Variants in ACYP2 observed in about 807,000 individuals in gnomAD.
ACYP2 encodes the protein acylphosphatase 2.
ACYP2 carries 12 observed loss-of-function variants against 11.2 expected under a neutral mutation model. The observed-to-expected ratio is 1.08, with a 90% CI of 0.69 to 1.74. ACYP2 has a LOEUF of 1.74. Among genes scored for constraint, ACYP2 ranks in the 40% most tolerant of loss-of-function variants. ACYP2 has a pLI of 0.00. For missense variants in ACYP2, 134 were observed against 101.9 expected (o/e 1.31, Z -1.35); for synonymous variants, 43 against 32.2 (o/e 1.33, Z -1.13).
chr2:54,240,165 A>C (rs911271349), intron 6 of ACYP2, among the ~76,000 whole-genome samples: 5 of 152,208 alleles, frequency 3.3e-5, no homozygotes, highest in African/African-American at 1.2e-4. Context: ...AGTAGCACTG[A>C]GAATGCCCAT....
intron 4 of ACYP2, among the ~76,000 whole-genome samples, chr2:54,114,380 C>CA (rs58390248): frequency 0.075 from 7,863 of 104,198 alleles, 508 homozygotes; most frequent in East Asian, 0.25. Context: ...TCAAGACAAT[C>CA]AAAAAAAAAA....
chr2:53,983,339 C>T (rs939592801), intron 2 of ACYP2, among the ~76,000 whole-genome samples: 1 of 152,084 alleles, frequency 6.6e-6, no homozygotes, highest in African/African-American at 2.4e-5. Context: ...AACCCCATCT[C>T]TACAAAATAT....
chr2:54,296,436 T>C (rs1689527343), intron 6 of ACYP2, among the ~76,000 whole-genome samples: 1 of 152,240 alleles, frequency 6.6e-6, no homozygotes, highest in South Asian at 2.1e-4. Context: ...AGTTAATTTA[T>C]TACACAAATA....
chr2:54,266,705 A>T (rs1214847119), intron 6 of ACYP2, among the ~76,000 whole-genome samples: 2 of 139,296 alleles, frequency 1.4e-5, no homozygotes, highest in Non-Finnish European at 3.0e-5. Flanking sequence ...GTCCGGGTTC[A>T]CGCCATTCTC....
intron 6 of ACYP2, among the ~76,000 whole-genome samples, chr2:54,224,521 G>A (rs758982514): frequency 6.6e-6 from 1 of 152,178 alleles, no homozygotes; most frequent in Non-Finnish European, 1.5e-5. Flanking sequence ...CCACTCAAAG[G>A]TGGGCATGAC....
intron 4 of ACYP2, among the ~76,000 whole-genome samples, chr2:54,057,728 G>A (rs1676234120): frequency 6.6e-6 from 1 of 152,006 alleles, no homozygotes; most frequent in Non-Finnish European, 1.5e-5. Context: ...ATATAATACT[G>A]TTGTTTATAG....
chr2:54,159,522 T>C (rs1052064856), intron 6 of ACYP2, among the ~76,000 whole-genome samples: 1 of 152,088 alleles, frequency 6.6e-6, no homozygotes, highest in Non-Finnish European at 1.5e-5. Context: ...TATTTTTGAA[T>C]AGTTAAAGTA....
chr2:54,071,009 C>T (rs1181047996), intron 4 of ACYP2, among the ~76,000 whole-genome samples: 2 of 152,090 alleles, frequency 1.3e-5, no homozygotes, highest in Admixed American at 6.5e-5. Context: ...GCCTTGGCCT[C>T]CCAAAGTGCT....
chr2:54,095,760 C>T (rs1242647123), intron 4 of ACYP2, among the ~76,000 whole-genome samples: 6 of 134,100 alleles, frequency 4.5e-5, no homozygotes, highest in Non-Finnish European at 9.8e-5. Context: ...CCTCACCTCC[C>T]GGACGGGGCG....
chr2:54,256,196 G>A (rs758174805), intron 6 of ACYP2: 8 of 1,551,060 alleles, frequency 5.2e-6, no homozygotes, highest in South Asian at 1.2e-5. Context: ...CAGGCCAGAG[G>A]TAGGTAGCGT....
At chr2:54,165,533 T>TCACACA (rs1326165242) in intron 6 of ACYP2, among the ~76,000 whole-genome samples, 49 of 123,740 alleles carry the variant, frequency 4.0e-4, no homozygotes, top group Middle Eastern at 4.1e-3. Flanking sequence ...TCTCTCTCTC[T>TCACACA]CTCACACACA....
At chr2:54,111,268 C>G (rs542062325) in intron 4 of ACYP2, among the ~76,000 whole-genome samples, 8 of 152,038 alleles carry the variant, frequency 5.3e-5, no homozygotes, top group Non-Finnish European at 1.0e-4. Flanking sequence ...AAGTAGTCAG[C>G]TTTGAATATT....
chr2:53,992,495 C>T lies in ACYP2; in HGVS notation c.62+18685C>T, dbSNP rs951146076. Among the ~76,000 whole-genome samples the T allele has an allele frequency of 7.2e-5, 11 of 152,280 alleles. No homozygotes were observed. The South Asian group carries it at 1.5e-3, about 20-fold the overall frequency. On this transcript the variant is annotated intron_variant, in intron 2 of 6. Coordinates refer to ENST00000607452, the MANE Select transcript of ACYP2 (RefSeq NM_001320586.2). ...TGAGAGATGACAATGGCTTGTATCA[C>T]GGTAGAAGTAGTGCCAACGGTGAGA...
intron 4 of ACYP2, among the ~76,000 whole-genome samples, chr2:54,129,112 A>C (rs1680739907): frequency 6.6e-6 from 1 of 152,206 alleles, no homozygotes; most frequent in South Asian, 2.1e-4. Context: ...ATAACAAGGT[A>C]ATAGTTCTGT....
chr2:54,184,058 T>C (rs1683866915), intron 6 of ACYP2, among the ~76,000 whole-genome samples: 1 of 152,202 alleles, frequency 6.6e-6, no homozygotes, highest in African/African-American at 2.4e-5. Flanking sequence ...AAGAATCTTT[T>C]GCATTCGTTT....
chr2:54,202,793 G>C (rs745689290), intron 6 of ACYP2, among the ~76,000 whole-genome samples: 1 of 126,102 alleles, frequency 7.9e-6, no homozygotes, highest in Admixed American at 9.8e-5. Flanking sequence ...GAACTTTTGG[G>C]CTCAAGTGAT....
chr2:54,171,468 G>A (rs1004585045), intron 6 of ACYP2, among the ~76,000 whole-genome samples: 2 of 152,128 alleles, frequency 1.3e-5, no homozygotes, highest in Non-Finnish European at 2.9e-5. Flanking sequence ...AAAAAGTTAT[G>A]TCCACAAATT....
intron 6 of ACYP2, among the ~76,000 whole-genome samples, chr2:54,214,012 A>T (rs1021293135): frequency 1.3e-5 from 2 of 151,958 alleles, no homozygotes; most frequent in Non-Finnish European, 2.9e-5. Context: ...CTACCACCTC[A>T]GCCTCCTGAA....
At chr2:54,035,297 G>C (rs1423924376) in intron 2 of ACYP2, among the ~76,000 whole-genome samples, 5 of 130,828 alleles carry the variant, frequency 3.8e-5, no homozygotes, top group African/African-American at 1.2e-4. Flanking sequence ...ACAGAGTCTC[G>C]CTCTGTCGCC....
Sources: allele counts gnomAD v4.1 joint callset (sites outside exome capture counted in the v4.1 genomes callset), GRCh38; gene constraint gnomAD v4.1.1; transcripts MANE v1.5; gene names NCBI Gene and HGNC (gene_info 2026-07-23, HGNC 2026-07-21).